Variants in MAN1C1 observed in about 807,000 individuals in gnomAD.
The protein encoded by MAN1C1 is mannosidase alpha class 1C member 1.
MAN1C1 carries 49 observed loss-of-function variants against 71.5 expected under a neutral mutation model. The ratio of observed to expected loss-of-function variants is 0.69; its 90% CI spans 0.54 to 0.87. MAN1C1 has a LOEUF of 0.87. MAN1C1 is among the 40% of genes least tolerant of loss of function. The pLI is 0.00. For missense variants in MAN1C1, 743 were observed against 835.0 expected (o/e 0.89, Z 1.36); for synonymous variants, 352 against 343.7 (o/e 1.02, Z -0.27).
rs528724773 is a variant in MAN1C1 at position 25,773,981 on chromosome 1, G to C, written c.1257+2209G>C. On this transcript the variant is annotated intron_variant, in intron 8 of 11. Transcript: ENST00000374332. ...CTCAGAACCTCTGGGCACTGGGCCCGGGCCACACATAAACCTCCTTGGGAT... is the reference window on the plus strand; with the variant it reads ...CTCAGAACCTCTGGGCACTGGGCCCCGGCCACACATAAACCTCCTTGGGAT... Among the ~76,000 whole-genome samples the C allele has an allele frequency of 2.0e-5, 3 of 152,256 alleles. No homozygotes were observed. In the South Asian group the frequency reaches 6.2e-4, roughly 32 times the overall value.
intron 7 of MAN1C1, among the ~76,000 whole-genome samples, chr1:25,766,919 C>T (rs900398757): frequency 1.3e-5 from 2 of 152,018 alleles, no homozygotes; most frequent in Admixed American, 6.5e-5. Context: ...GGCCCAGCCT[C>T]CTGCTGCCAG....
chr1:25,666,522 G>C (rs1163956964), intron 1 of MAN1C1, among the ~76,000 whole-genome samples: 1 of 152,178 alleles, frequency 6.6e-6, no homozygotes, highest in East Asian at 1.9e-4. Context: ...AAGACAAAAA[G>C]AGCAGCTTCT....
intron 1 of MAN1C1, among the ~76,000 whole-genome samples, chr1:25,622,052 A>G (rs892546457): frequency 2.6e-5 from 4 of 152,274 alleles, no homozygotes; most frequent in Middle Eastern, 3.4e-3. Flanking sequence ...GCCCTTGCCC[A>G]TATGGTGTTT....
intron 2 of MAN1C1, among the ~76,000 whole-genome samples, chr1:25,724,378 GT>G (rs1244172514): frequency 6.6e-6 from 1 of 152,152 alleles, no homozygotes; most frequent in Non-Finnish European, 1.5e-5. Context: ...GCAGCTGACT[GT>G]CGGATGATCT....
chr1:25,693,668 G>A lies in MAN1C1; in HGVS notation c.637+7132G>A, dbSNP rs72875630. 3.3e-3 allele frequency among the ~76,000 whole-genome samples: 504 copies of A among 152,250 alleles called. 4 individuals are homozygous for A. The highest frequency in any genetic ancestry group is 0.012 in the African/African-American group (481 of 41,546). ...AAAATTTGCGATTAGGTGGACCCAC[G>A]CATTACAAGTTCATGTTGATCAAGG... On this transcript the variant is annotated intron_variant, in intron 2 of 11. Transcript: ENST00000374332.
chr1:25,757,703 G>A (rs548093723), intron 5 of MAN1C1, among the ~76,000 whole-genome samples: 2 of 152,312 alleles, frequency 1.3e-5, no homozygotes, highest in African/African-American at 4.8e-5. Flanking sequence ...ACTTGAACCT[G>A]CACCTTCTGG....
At chr1:25,757,323 C>T (rs807257) in intron 5 of MAN1C1, among the ~76,000 whole-genome samples, 5,770 of 152,278 alleles carry the variant, frequency 0.038, 142 homozygotes, top group Non-Finnish European at 0.058. Context: ...CAGAGCCAGT[C>T]GCTCAACCTG....
chr1:25,636,852 C>T lies in MAN1C1; in HGVS notation c.540+18515C>T, dbSNP rs191956264. On this transcript the variant is annotated intron_variant, in intron 1 of 11. Transcript: ENST00000374332. ...TCCAGCTGGTCCCTCCGTTCAGGAT[C>T]CCTGACTTCCCACAACACTCGGCCA... Among the ~76,000 whole-genome samples the T allele has an allele frequency of 4.8e-3, 732 of 152,314 alleles. 3 individuals are homozygous for T. Among genetic ancestry groups the T allele is most frequent in the South Asian group, 7.0e-3 (34 of 4,824 alleles).
Position 25,745,898 on chromosome 1 carries a change from C to T in MAN1C1, c.638-770C>T, listed in dbSNP as rs576944573. 2.4e-4 allele frequency among the ~76,000 whole-genome samples: 36 copies of T among 149,114 alleles called. No homozygotes were observed. The South Asian group carries it at 5.8e-3, about 24-fold the overall frequency. On this transcript the variant is annotated intron_variant, in intron 2 of 11. Transcript: ENST00000374332. ...CCCAGCTACTTGGGAGGCTGAGGCACGAGAATCGCTTGAACCCAGGAGATG... is the reference window on the plus strand; with the variant it reads ...CCCAGCTACTTGGGAGGCTGAGGCATGAGAATCGCTTGAACCCAGGAGATG...
rs1019236161 is a variant in MAN1C1, at chr1:25,769,857, C to T, written c.1142-1800C>T. 6.6e-6 allele frequency among the ~76,000 whole-genome samples: 1 copy of T among 152,342 alleles called. No individual in the cohort carries two copies. The highest frequency in any genetic ancestry group is 1.9e-4 in the East Asian group (1 of 5,180). On this transcript the variant is annotated intron_variant, in intron 7 of 11. Coordinates refer to ENST00000374332, the MANE Select transcript of MAN1C1 (RefSeq NM_020379.4). The surrounding 1 kb of genome is among the most constrained non-coding windows in gnomAD (Gnocchi z 4.8). ...GCCCACCACCCAAGGGGAGTGCTGC[C>T]GCCGAGGGCTTCAGATGGTGCCTGG...
chr1:25,758,007 A>T (rs2047311776), intron 5 of MAN1C1, among the ~76,000 whole-genome samples: 1 of 152,244 alleles, frequency 6.6e-6, no homozygotes, highest in African/African-American at 2.4e-5. Flanking sequence ...TGGTCACACC[A>T]GAGCTCCCTG....
At chr1:25,675,312 C>T (rs1253465187) in intron 1 of MAN1C1, among the ~76,000 whole-genome samples, 1 of 152,088 alleles carries the variant, frequency 6.6e-6, no homozygotes, top group Non-Finnish European at 1.5e-5. Flanking sequence ...GCTTAGCTTC[C>T]ACTTATAAGT....
At chr1:25,774,835 A>C (rs937441001) in intron 8 of MAN1C1, among the ~76,000 whole-genome samples, 3 of 141,202 alleles carry the variant, frequency 2.1e-5, no homozygotes, top group Non-Finnish European at 4.7e-5. Context: ...AAAAAAAAAA[A>C]CCCTGGTCTT....
intron 2 of MAN1C1, among the ~76,000 whole-genome samples, chr1:25,712,167 G>T (rs1409620065): frequency 6.6e-6 from 1 of 152,262 alleles, no homozygotes; most frequent in African/African-American, 2.4e-5. Flanking sequence ...CTTGTGGAAA[G>T]TAACAGTACT....
chr1:25,656,416 A>G (rs538692895), intron 1 of MAN1C1, among the ~76,000 whole-genome samples: 3 of 152,048 alleles, frequency 2.0e-5, no homozygotes, highest in Non-Finnish European at 4.4e-5. Context: ...ACTTTTAAAG[A>G]CGTCGTTTCA....
intron 1 of MAN1C1, among the ~76,000 whole-genome samples, chr1:25,651,854 T>C (rs2124068726): frequency 1.3e-5 from 2 of 152,328 alleles, no homozygotes; most frequent in South Asian, 4.1e-4. Context: ...TTGTAAGGTT[T>C]AGAAAAGCAA....
At chr1:25,694,288 C>T (rs2046343672) in intron 2 of MAN1C1, among the ~76,000 whole-genome samples, 1 of 152,186 alleles carries the variant, frequency 6.6e-6, no homozygotes, top group Admixed American at 6.5e-5. Context: ...ATCTGATGTT[C>T]AGGCCTCTTC....
At chr1:25,703,404 G>A (rs1197395506) in intron 2 of MAN1C1, among the ~76,000 whole-genome samples, 1 of 152,166 alleles carries the variant, frequency 6.6e-6, no homozygotes, top group East Asian at 1.9e-4. Context: ...TCTGTAGGCT[G>A]GGCGCGGTGG....
At chr1:25,783,512 C>A in intron 11 of MAN1C1, 151 bp from the exon 12 acceptor site, 1 of 798,666 alleles carries the variant, frequency 1.3e-6, no homozygotes, top group East Asian at 2.5e-5. Flanking sequence ...CTAGCACCCC[C>A]ACCCTGCTGC....
Sources: gnomAD v4.1 joint callset for allele counts (sites outside exome capture counted in the v4.1 genomes callset) on GRCh38, gnomAD v4.1.1 for gene constraint, Gnocchi (gnomAD v3.1) non-coding constraint, MANE v1.5 for transcripts, NCBI Gene and HGNC (gene_info 2026-07-23, HGNC 2026-07-21) for gene names.